The following HS3ST4 variants were observed in gnomAD, a reference collection of about 807,000 sequenced individuals.
HS3ST4 encodes heparan sulfate glucosamine 3-O-sulfotransferase 4.
Under a neutral mutation model 29.2 loss-of-function variants are expected in HS3ST4, and 17 were observed. The ratio of observed to expected loss-of-function variants is 0.58; its 90% CI spans 0.40 to 0.87. HS3ST4 has a LOEUF of 0.87. HS3ST4 is among the 40% of genes least tolerant of loss of function. The probability of loss-of-function intolerance (pLI) is 0.00; values close to 1 mark genes in which losing one functional copy is unlikely to be tolerated. For missense variants in HS3ST4, 627 were observed against 634.5 expected, an observed-to-expected ratio of 0.99 and a Z score of 0.13; for synonymous variants, 314 against 285.7, an observed-to-expected ratio of 1.10 and a Z score of -1.00.
At chr16:25,811,352 C>A (rs989704076) in intron 1 of HS3ST4, among the ~76,000 whole-genome samples, 7 of 151,910 alleles carry the variant, frequency 4.6e-5, no homozygotes, top group African/African-American at 1.7e-4. Flanking sequence ...TTCTGATTAT[C>A]CACTTTCACT....
intron 1 of HS3ST4, among the ~76,000 whole-genome samples, chr16:25,770,441 A>T (rs1166692476): frequency 6.6e-6 from 1 of 152,186 alleles, no homozygotes; most frequent in African/African-American, 2.4e-5. Flanking sequence ...TAGCTTATAG[A>T]TCGAAAGACT....
At chr16:25,971,885 C>T (rs1480588733) in intron 1 of HS3ST4, among the ~76,000 whole-genome samples, 11 of 152,000 alleles carry the variant, frequency 7.2e-5, no homozygotes, top group East Asian at 1.9e-4. Flanking sequence ...GAGCCAAGAT[C>T]GTGCCACTGG....
chr16:25,958,475 C>T (rs975050267), intron 1 of HS3ST4, among the ~76,000 whole-genome samples: 6 of 152,070 alleles, frequency 3.9e-5, no homozygotes, highest in Non-Finnish European at 7.3e-5. Flanking sequence ...GGACTACAGG[C>T]GTGCACCACC....
intron 1 of HS3ST4, among the ~76,000 whole-genome samples, chr16:25,852,185 C>T (rs956026610): frequency 6.6e-6 from 1 of 152,198 alleles, no homozygotes; most frequent in Non-Finnish European, 1.5e-5. Context: ...CCTACTCTCT[C>T]TTAGTTTTAC....
chr16:26,104,280 C>G (rs928426759), intron 1 of HS3ST4, among the ~76,000 whole-genome samples: 1 of 152,162 alleles, frequency 6.6e-6, no homozygotes, highest in Non-Finnish European at 1.5e-5. Flanking sequence ...GCCCCCACTC[C>G]GTCAATTTAT....
At chr16:25,979,957 C>G (rs1208808204) in intron 1 of HS3ST4, among the ~76,000 whole-genome samples, 2 of 152,166 alleles carry the variant, frequency 1.3e-5, no homozygotes, top group Non-Finnish European at 2.9e-5. Flanking sequence ...TCTCTCAACT[C>G]TGCTACCTCC....
intron 1 of HS3ST4, among the ~76,000 whole-genome samples, chr16:25,929,420 T>C (rs1046240615): frequency 1.1e-4 from 17 of 152,126 alleles, no homozygotes; most frequent in African/African-American, 4.1e-4. Flanking sequence ...TTCAAGGTTA[T>C]CTTCAGGGGC....
At chr16:25,739,872 T>G (rs1039751553) in intron 1 of HS3ST4, among the ~76,000 whole-genome samples, 5 of 152,202 alleles carry the variant, frequency 3.3e-5, no homozygotes, top group Admixed American at 3.3e-4. Flanking sequence ...GTGGTTGAAG[T>G]GACTAAAGAA....
At chr16:25,904,163 A>G (rs111530650) in intron 1 of HS3ST4, among the ~76,000 whole-genome samples, 9 of 128,854 alleles carry the variant, frequency 7.0e-5, no homozygotes, top group African/African-American at 1.7e-4. Context: ...TGAATGGATG[A>G]ATGGATGGAT....
Position 26,051,837 on chromosome 16 carries a change from G to A in HS3ST4, c.735-83775G>A, listed in dbSNP as rs115942970. Among the ~76,000 whole-genome samples, 658 of 132,186 alleles carry A rather than the reference G, an allele frequency of 5.0e-3. 9 individuals carry two copies. The highest frequency in any genetic ancestry group is 0.018 in the African/African-American group (614 of 34,666). 86.7% of individuals were successfully genotyped at this position (132,186 alleles called of 152,430 possible). A position where few individuals can be genotyped will look rare whatever the true frequency, so the allele number is the denominator to read the frequency against. On this transcript the variant is annotated intron_variant, in intron 1 of 1. Transcript: ENST00000331351. ...TTTCTTTCCATTCTCACTCCCTCCC[G>A]TCTCTTTCTCTCTTTCTTTTCTCCT... is the stretch of plus-strand genomic sequence containing the variant.
chr16:25,990,587 T>C (rs886861352), intron 1 of HS3ST4, among the ~76,000 whole-genome samples: 2 of 152,246 alleles, frequency 1.3e-5, no homozygotes, highest in African/African-American at 2.4e-5. Context: ...TAACTTGGCA[T>C]GTGCCAGGCA....
intron 1 of HS3ST4, among the ~76,000 whole-genome samples, chr16:25,948,918 A>T (rs4075108): frequency 0.26 from 39,262 of 152,066 alleles, 5,442 homozygotes; most frequent in East Asian, 0.39. Context: ...TTGCCAATTC[A>T]TAAATTCTGG....
At chr16:25,956,999 A>AAT (rs1968741175) in intron 1 of HS3ST4, among the ~76,000 whole-genome samples, 1 of 139,936 alleles carries the variant, frequency 7.1e-6, no homozygotes, top group African/African-American at 2.5e-5. Context: ...CTCCGTCTCA[A>AAT]AAAAAAAAAA....
At chr16:26,062,263 A>G (rs1324443393) in intron 1 of HS3ST4, among the ~76,000 whole-genome samples, 1 of 152,240 alleles carries the variant, frequency 6.6e-6, no homozygotes, top group East Asian at 1.9e-4. Context: ...AGCTGGTTCA[A>G]CTGGTGGATC....
chr16:25,939,055 C>T (rs183644143), intron 1 of HS3ST4, among the ~76,000 whole-genome samples: 3 of 152,212 alleles, frequency 2.0e-5, no homozygotes, highest in East Asian at 3.9e-4. Context: ...GGCCCTCTTA[C>T]TCCAAATTAG....
chr16:26,023,924 T>G (rs73525696), intron 1 of HS3ST4, among the ~76,000 whole-genome samples: 2,965 of 152,270 alleles, frequency 0.019, 107 homozygotes, highest in African/African-American at 0.068. Context: ...GAGGTCATTC[T>G]GGGTATTAAA....
chr16:25,739,452 G>A lies in HS3ST4; in HGVS notation c.734+46301G>A, dbSNP rs1018649671. Among the ~76,000 whole-genome samples, 8 of 152,158 alleles carry A rather than the reference G, an allele frequency of 5.3e-5. No homozygotes were observed. The East Asian group carries it at 1.5e-3, about 29-fold the overall frequency. ...ATTGCCCTAAGCCTCTGGTTACATG[G>A]CAGTTTCTATCTGCCTACTTTTGCT... On this transcript the variant is annotated intron_variant, in intron 1 of 1. Coordinates refer to ENST00000331351, the MANE Select transcript of HS3ST4 (RefSeq NM_006040.3).
At chr16:25,760,204 A>T (rs1302769324) in intron 1 of HS3ST4, among the ~76,000 whole-genome samples, 1 of 152,130 alleles carries the variant, frequency 6.6e-6, no homozygotes, top group East Asian at 1.9e-4. Flanking sequence ...GGGTGCCTTA[A>T]AAAACAGAAA....
At chr16:25,745,951 G>A (rs1269357498) in intron 1 of HS3ST4, among the ~76,000 whole-genome samples, 1 of 152,158 alleles carries the variant, frequency 6.6e-6, no homozygotes, top group African/African-American at 2.4e-5. Context: ...AATGTCCACT[G>A]CATACAGGCT....
Sources: gnomAD v4.1 joint callset for allele counts (sites outside exome capture counted in the v4.1 genomes callset) on GRCh38, gnomAD v4.1.1 for gene constraint, MANE v1.5 for transcripts, NCBI Gene and HGNC (gene_info 2026-07-23, HGNC 2026-07-21) for gene names.